Variants in PRKCB observed in about 807,000 individuals in gnomAD.
PRKCB encodes the protein protein kinase C beta.
Under a neutral mutation model 81.5 loss-of-function variants are expected in PRKCB, and 13 were observed. The observed-to-expected ratio is 0.16, with a 90% confidence interval of 0.10 to 0.25. The LOEUF (loss-of-function observed/expected upper bound fraction) is 0.25, where lower values mean the gene tolerates loss of function less well. Among genes scored for constraint, PRKCB ranks in the 10% least tolerant of loss-of-function variants. The probability of loss-of-function intolerance (pLI) is 1.00; values close to 1 mark genes in which losing one functional copy is unlikely to be tolerated. For synonymous variants in PRKCB, 335 were observed against 321.4 expected, an observed-to-expected ratio of 1.04 and a Z score of -0.45; for missense variants, 509 against 875.7, an observed-to-expected ratio of 0.58 and a Z score of 5.29.
At chr16:23,910,751 A>G (rs1373939625) in intron 2 of PRKCB, among the ~76,000 whole-genome samples, 1 of 152,176 alleles carries the variant, frequency 6.6e-6, no homozygotes, top group Admixed American at 6.5e-5. Context: ...GTAAGCCATC[A>G]CCACTATTTA....
Position 24,021,310 on chromosome 16 carries a change from C to T in PRKCB, c.289-10826C>T, listed in dbSNP as rs1965393896. Among the ~76,000 whole-genome samples, 2 of 25,810 alleles carry T rather than the reference C, an allele frequency of 7.7e-5. 1 individual carries two copies. Among genetic ancestry groups the T allele is most frequent in the South Asian group, 6.8e-3 (2 of 292 alleles). 16.9% of individuals were successfully genotyped at this position (25,810 alleles called of 152,430 possible). A position where few individuals can be genotyped will look rare whatever the true frequency, so the allele number is the denominator to read the frequency against. ...CTCTCCCTCCCTTCCTTCCTTCCTTCCTTCCTTCCTTCCTTCCTTCCTTCC... is the reference window on the plus strand; with the variant it reads ...CTCTCCCTCCCTTCCTTCCTTCCTTTCTTCCTTCCTTCCTTCCTTCCTTCC... On this transcript the variant is annotated intron_variant, in intron 3 of 16. Transcript: ENST00000643927.
chr16:23,982,037 C>T (rs1328823999), intron 2 of PRKCB, among the ~76,000 whole-genome samples: 2 of 24,490 alleles, frequency 8.2e-5, no homozygotes, highest in African/African-American at 2.5e-4. Flanking sequence ...CCTTTCCCTT[C>T]ACCTTCCCCT....
chr16:24,012,232 G>A lies in PRKCB; in HGVS notation c.289-19904G>A, dbSNP rs550307353. Among the ~76,000 whole-genome samples, 25 of 152,278 alleles carry A rather than the reference G, an allele frequency of 1.6e-4. No individual in the cohort carries two copies. In the South Asian group the frequency reaches 1.7e-3, roughly 10 times the overall value. ...GTATGTAGCACCTATCATATGCCAC[G>A]TGCTGTTCTAAGTGATTGATATATG... On this transcript the variant is annotated intron_variant, in intron 3 of 16. Coordinates refer to ENST00000643927, the MANE Select transcript of PRKCB (RefSeq NM_002738.7).
At chr16:24,170,781 A>G (rs1967430118) in intron 10 of PRKCB, among the ~76,000 whole-genome samples, 1 of 152,248 alleles carries the variant, frequency 6.6e-6, no homozygotes, top group African/African-American at 2.4e-5. Context: ...TTCCAAATGA[A>G]GTATCTTTGG....
chr16:23,969,681 C>T (rs531694859), intron 2 of PRKCB, among the ~76,000 whole-genome samples: 11 of 152,166 alleles, frequency 7.2e-5, no homozygotes, highest in Admixed American at 3.3e-4. Flanking sequence ...TCATCATCAT[C>T]ATCATTATCA....
At chr16:24,054,640 C>G (rs989079299) in intron 5 of PRKCB, among the ~76,000 whole-genome samples, 5 of 152,150 alleles carry the variant, frequency 3.3e-5, no homozygotes. Context: ...GTGTATCAAT[C>G]AAACAAAATG....
chr16:24,219,990 CAA>C lies in PRKCB; in HGVS notation c.*5176_*5177del. 2 of 1,614,136 alleles carry C rather than the reference CAA, an allele frequency of 1.2e-6. No individual in the cohort carries two copies. Among genetic ancestry groups the C allele is most frequent in the Non-Finnish European group, 1.7e-6 (2 of 1,180,002 alleles). On this transcript the variant is annotated 3_prime_UTR_variant, in exon 17 of 17. Transcript: ENST00000643927. ...ACAAGAGAGACACCTCCAACTTCGA[CAA>C]AGAGTTCACCAGACAGCCTGTGGAA...
chr16:23,858,319 T>TCCCAGA (rs4047234), intron 2 of PRKCB, among the ~76,000 whole-genome samples: 128,706 of 151,582 alleles, frequency 0.85, 54,747 homozygotes, highest in East Asian at 0.99. Context: ...GACTGTCTGT[T>TCCCAGA]CACCAAGGTG....
At position 24,172,372 on chromosome 16, in the gene PRKCB, A is replaced by G; in HGVS notation, c.1331+11A>G. 1 of 1,611,486 alleles carries G rather than the reference A, an allele frequency of 6.2e-7. No individual in the cohort carries two copies. The highest frequency in any genetic ancestry group is 1.7e-5 in the Admixed American group (1 of 59,902). On this transcript the variant is annotated intron_variant, in intron 11 of 16. Coordinates refer to ENST00000643927, the MANE Select transcript of PRKCB (RefSeq NM_002738.7). ...GGAGCCCCATGCTGTGTAAGTGAGA[A>G]CTAGTGCTGTGCTTTCTCCTTGGGA...
At chr16:23,912,513 T>C (rs1597242164) in intron 2 of PRKCB, among the ~76,000 whole-genome samples, 1 of 120,210 alleles carries the variant, frequency 8.3e-6, no homozygotes, top group African/African-American at 3.2e-5. Context: ...TCTTCTTTTT[T>C]TTTTTTTTTT....
At position 24,180,882 on chromosome 16, in the gene PRKCB, T is replaced by G. The variant is rs1205166450; in HGVS notation, c.1487T>G (p.Val496Gly). 6.2e-7 allele frequency: 1 copy of G among 1,614,128 alleles called. No individual in the cohort carries two copies. The highest frequency in any genetic ancestry group is 8.5e-7 in the Non-Finnish European group (1 of 1,180,006). The change falls in exon 13 of 17, where the codon GTG (valine) becomes GGG (glycine). Residue 496 changes from valine to glycine, a missense_variant. Physicochemically the swap from Val to Gly is moderately radical, Grantham distance 109 (BLOSUM62 -3). Coordinates refer to ENST00000643927, the MANE Select transcript of PRKCB (RefSeq NM_002738.7). ...GMCKENIWDG[V>G]TTKTFCGTPD... is the part of the protein sequence containing the mutation. The stretch of plus-strand genomic sequence containing the variant: ...TGTAAGGAAAACATCTGGGATGGGG[T>G]GACAACCAAGACATTCTGTGGCACT...
At chr16:24,121,862 C>G (rs1437903932) in intron 8 of PRKCB, among the ~76,000 whole-genome samples, 1 of 152,208 alleles carries the variant, frequency 6.6e-6, no homozygotes, top group African/African-American at 2.4e-5. Flanking sequence ...TTCATGTCAT[C>G]ATCTCCATGT....
intron 10 of PRKCB, among the ~76,000 whole-genome samples, 173 bp downstream of exon 10, chr16:24,155,030 C>T (rs772094439): frequency 1.3e-5 from 2 of 152,202 alleles, no homozygotes; most frequent in African/African-American, 2.4e-5. Flanking sequence ...TACTGAGAAA[C>T]GCTCTCCCCT....
chr16:24,014,863 G>A (rs12443614), intron 3 of PRKCB, among the ~76,000 whole-genome samples: 10,523 of 152,036 alleles, frequency 0.069, 424 homozygotes, highest in Middle Eastern at 0.088. Context: ...GCATGATCTC[G>A]GCTCACTGCA....
At chr16:24,058,902 A>G (rs1338887910) in intron 5 of PRKCB, among the ~76,000 whole-genome samples, 1 of 76,026 alleles carries the variant, frequency 1.3e-5, no homozygotes, top group Non-Finnish European at 2.5e-5. Flanking sequence ...TCCCTGTAGG[A>G]TGGAGGAGAT....
Position 24,045,491 on chromosome 16 carries a change from C to T in PRKCB, c.529+9944C>T, listed in dbSNP as rs9923752. Among the ~76,000 whole-genome samples the T allele has an allele frequency of 8.4e-3, 1,273 of 152,318 alleles. 19 individuals are homozygous for T. Among genetic ancestry groups the T allele is most frequent in the African/African-American group, 0.028 (1,174 of 41,562 alleles). On this transcript the variant is annotated intron_variant, in intron 5 of 16. Coordinates refer to ENST00000643927, the MANE Select transcript of PRKCB (RefSeq NM_002738.7). ...CTGTGCCTCTCGCCTGGCAGGTCTA[C>T]GCTAAACTGCCCCCTGCCCTCCCAG...
intron 2 of PRKCB, among the ~76,000 whole-genome samples, chr16:23,982,877 A>G (rs560603452): frequency 1.3e-5 from 2 of 151,974 alleles, no homozygotes; most frequent in Admixed American, 1.3e-4. Context: ...GCCGTCAGAC[A>G]TTTTCATTGC....
At chr16:24,014,300 G>A (rs1030112743) in intron 3 of PRKCB, among the ~76,000 whole-genome samples, 2 of 152,130 alleles carry the variant, frequency 1.3e-5, no homozygotes, top group African/African-American at 4.8e-5. Context: ...AGATGGGTGT[G>A]GTTTTGTGGG....
intron 3 of PRKCB, among the ~76,000 whole-genome samples, chr16:24,014,026 T>G (rs1392086801): frequency 4.6e-5 from 7 of 152,224 alleles, no homozygotes; most frequent in Non-Finnish European, 1.5e-5. Flanking sequence ...AAACTCACCG[T>G]GTCCTTCTAT....
Sources: gnomAD v4.1 joint callset for allele counts (sites outside exome capture counted in the v4.1 genomes callset) on GRCh38, gnomAD v4.1.1 for gene constraint, MANE v1.5 for transcripts, NCBI Gene and HGNC (gene_info 2026-07-23, HGNC 2026-07-21) for gene names.